The following ITGA8 variants were observed in gnomAD, a reference collection of about 807,000 sequenced individuals.
ITGA8 encodes the protein integrin alpha-8.
In ITGA8, 91 loss-of-function variants were observed where a neutral mutation model predicts 142.3. The observed-to-expected ratio is 0.64, with a 90% CI of 0.54 to 0.76. The LOEUF (loss-of-function observed/expected upper bound fraction) is 0.76. Ranked by LOEUF, ITGA8 falls within the 30% of genes least tolerant of loss-of-function variation. The pLI, the probability that ITGA8 is intolerant of heterozygous loss-of-function variation, is 0.00. For synonymous variants in ITGA8, 505 were observed against 485.2 expected, an observed-to-expected ratio of 1.04 and a Z score of -0.54; for missense variants, 1,406 against 1,327.7, an observed-to-expected ratio of 1.06 and a Z score of -0.92.
chr10:15,663,167 A>C (rs1588706752), intron 8 of ITGA8, among the ~76,000 whole-genome samples: 2 of 152,286 alleles, frequency 1.3e-5, no homozygotes, highest in East Asian at 1.9e-4. Context: ...CTGTTGTCTA[A>C]TTAAGTAAAT....
rs1436547854 is a variant in ITGA8, at chr10:15,644,465, TATATATATATATATATATATATATATAG to T, written c.1208-272_1208-245del. 9.1e-4 allele frequency among the ~76,000 whole-genome samples: 22 copies of T among 24,192 alleles called. 1 individual carries two copies. Among genetic ancestry groups the T allele is most frequent in the African/African-American group, 1.8e-3 (20 of 11,168 alleles). 15.9% of individuals were successfully genotyped at this position (24,192 alleles called of 152,430 possible). On this transcript the variant is annotated intron_variant, in intron 12 of 29. Transcript: ENST00000378076. ...ATATATATATATATATATATATATA[TATATATATATATATATATATATATATAG>T]AATTTTTTTTTTTTTTTGAGCAATG... is the stretch of plus-strand genomic sequence containing the variant.
At chr10:15,635,153 C>T (rs768585315) in intron 13 of ITGA8, among the ~76,000 whole-genome samples, 5 of 151,640 alleles carry the variant, frequency 3.3e-5, no homozygotes, top group Non-Finnish European at 7.4e-5. Context: ...ACTACAGGCA[C>T]GTGCTACCAT....
chr10:15,711,286 C>A (rs550270985), intron 2 of ITGA8, among the ~76,000 whole-genome samples: 1 of 152,250 alleles, frequency 6.6e-6, no homozygotes, highest in Non-Finnish European at 1.5e-5. Context: ...AATCGTTCAG[C>A]CTTACTTAGG....
chr10:15,670,791 T>C (rs1160904877), intron 8 of ITGA8, among the ~76,000 whole-genome samples: 1 of 152,196 alleles, frequency 6.6e-6, no homozygotes, highest in Non-Finnish European at 1.5e-5. Flanking sequence ...ATTGTTTCCA[T>C]GACCCGTAAA....
chr10:15,707,961 GACACACACAC>G lies in ITGA8; in HGVS notation c.343+10795_343+10804del, dbSNP rs138462340. On this transcript the variant is annotated intron_variant, in intron 2 of 29. Transcript: ENST00000378076. ...AAGCTAAAATAAATGTGCACACACC[GACACACACAC>G]ACACACACACACACACACACACACA... 1.7e-4 allele frequency among the ~76,000 whole-genome samples: 25 copies of G among 144,954 alleles called. 1 individual carries two copies. The highest frequency in any genetic ancestry group is 4.9e-4 in the Admixed American group (7 of 14,416).
chr10:15,599,084 A>AT (rs1564368298), intron 20 of ITGA8, among the ~76,000 whole-genome samples: 1 of 3,054 alleles, frequency 3.3e-4, no homozygotes, highest in African/African-American at 6.3e-4. Flanking sequence ...TTCTATAGTA[A>AT]ATTTTTTTTT....
Position 15,607,809 on chromosome 10 carries a change from T to A in ITGA8, c.1632A>T (p.Leu544Phe). 1 of 1,613,454 alleles carries A rather than the reference T, an allele frequency of 6.2e-7. No individual in the cohort carries two copies. The change falls in exon 17 of 30, where the codon TTA (leucine) becomes TTT (phenylalanine). Residue 544 changes from leucine (L) to phenylalanine (F), a missense_variant. Physicochemically the swap from Leu to Phe is conservative, Grantham distance 22. Transcript: ENST00000378076. ...TAGCTCCTTTCTGTTTCAGGGAATCTAATTGCACCTCTGCCATCAAGACTA... is the reference window on the plus strand; with the variant it reads ...TAGCTCCTTTCTGTTTCAGGGAATCAAATTGCACCTCTGCCATCAAGACTA... ...NTIVLMAEVQ[L>F]DSLKQKGAIK... is the part of the protein sequence containing the mutation.
chr10:15,702,891 G>T (rs1418340457), intron 2 of ITGA8, among the ~76,000 whole-genome samples: 1 of 152,158 alleles, frequency 6.6e-6, no homozygotes, highest in Non-Finnish European at 1.5e-5. Flanking sequence ...GTATAAGGTA[G>T]CAAGTGAAAG....
At chr10:15,602,683 A>G (rs1253204512) in intron 20 of ITGA8, among the ~76,000 whole-genome samples, 1 of 152,002 alleles carries the variant, frequency 6.6e-6, no homozygotes, top group Non-Finnish European at 1.5e-5. Flanking sequence ...GGTTGTAGTG[A>G]GCTATGATCA....
intron 8 of ITGA8, among the ~76,000 whole-genome samples, chr10:15,669,925 TG>T (rs537074845): frequency 4.7e-4 from 72 of 152,280 alleles, no homozygotes; most frequent in Non-Finnish European, 1.2e-4. Context: ...CCGCCGCTAC[TG>T]GGGGGTCCTT....
chr10:15,563,439 A>G (rs139683352), intron 25 of ITGA8, among the ~76,000 whole-genome samples: 2 of 135,954 alleles, frequency 1.5e-5, no homozygotes, highest in African/African-American at 5.8e-5. Flanking sequence ...TTGCTTTGAG[A>G]TGAATCATGT....
chr10:15,667,902 G>A (rs529175673), intron 8 of ITGA8, among the ~76,000 whole-genome samples: 1 of 152,128 alleles, frequency 6.6e-6, no homozygotes, highest in Non-Finnish European at 1.5e-5. Context: ...TATAATTTCT[G>A]TTCTTTTACA....
chr10:15,565,573 A>ATTTTTTTTTTTTTTTTTTTTTTTTTTTT lies in ITGA8; in HGVS notation c.2637+6610_2637+6637dup, dbSNP rs71374633. On this transcript the variant is annotated intron_variant, in intron 25 of 29. Coordinates refer to ENST00000378076, the MANE Select transcript of ITGA8 (RefSeq NM_003638.3). ...ATAATCTTCTTCCTTTCATGTCCTG[A>ATTTTTTTTTTTTTTTTTTTTTTTTTTTT]TTTTTTTTTTTTTTTTTTTTTTTTT... 1.7e-4 allele frequency among the ~76,000 whole-genome samples: 6 copies of ATTTTTTTTTTTTTTTTTTTTTTTTTTTT among 34,764 alleles called. 2 individuals are homozygous for ATTTTTTTTTTTTTTTTTTTTTTTTTTTT. Among genetic ancestry groups the ATTTTTTTTTTTTTTTTTTTTTTTTTTTT allele is most frequent in the South Asian group, 1.7e-3 (1 of 584 alleles). 22.8% of individuals were successfully genotyped at this position (34,764 alleles called of 152,430 possible). A position where few individuals can be genotyped will look rare whatever the true frequency, so the allele number is the denominator to read the frequency against.
intron 23 of ITGA8, among the ~76,000 whole-genome samples, chr10:15,578,005 ATAACT>A (rs1302546278): frequency 6.6e-6 from 1 of 152,186 alleles, no homozygotes; most frequent in African/African-American, 2.4e-5. Flanking sequence ...GTTGTAAGAA[ATAACT>A]TGGAGAGATT....
At chr10:15,644,954 G>C (rs574526753) in intron 12 of ITGA8, among the ~76,000 whole-genome samples, 1 of 151,438 alleles carries the variant, frequency 6.6e-6, no homozygotes, top group East Asian at 2.0e-4. Flanking sequence ...TTAGCCTGGC[G>C]TAGTGGCGGG....
intron 26 of ITGA8, among the ~76,000 whole-genome samples, chr10:15,556,576 A>C (rs991737286): frequency 6.6e-6 from 1 of 152,008 alleles, no homozygotes; most frequent in East Asian, 1.9e-4. Context: ...TGTAATTTTT[A>C]TGGTTATGTA....
intron 2 of ITGA8, among the ~76,000 whole-genome samples, chr10:15,688,881 C>T (rs956040516): frequency 6.6e-6 from 1 of 152,216 alleles, no homozygotes; most frequent in African/African-American, 2.4e-5. Flanking sequence ...CACAAGCCCA[C>T]AGCTAACATT....
chr10:15,705,741 T>C (rs982217162), intron 2 of ITGA8, among the ~76,000 whole-genome samples: 5 of 152,264 alleles, frequency 3.3e-5, no homozygotes, highest in African/African-American at 1.2e-4. Context: ...CAGTCATCAA[T>C]AACCTTCAGC....
At chr10:15,707,961 G>GACACACACACACACAC (rs138462340) in intron 2 of ITGA8, among the ~76,000 whole-genome samples, 21 of 144,872 alleles carry the variant, frequency 1.4e-4, no homozygotes, top group Non-Finnish European at 2.7e-4. Context: ...TGCACACACC[G>GACACACACACACACAC]ACACACACAC....
Sources: gnomAD v4.1 joint callset for allele counts (sites outside exome capture counted in the v4.1 genomes callset) on GRCh38, gnomAD v4.1.1 for gene constraint, MANE v1.5 for transcripts, NCBI Gene and HGNC (gene_info 2026-07-23, HGNC 2026-07-21) for gene names.